The following FXYD2 variants were observed in gnomAD, a reference collection of about 807,000 sequenced individuals.
FXYD2 encodes the protein FXYD domain containing ion transport regulator 2, also known as sodium/potassium-transporting ATPase subunit gamma.
FXYD2 carries 8 observed loss-of-function variants against 11.8 expected under a neutral mutation model. The observed-to-expected ratio is 0.68, with a 90% confidence interval of 0.40 to 1.22. The LOEUF (loss-of-function observed/expected upper bound fraction) is 1.22. FXYD2 is among the 50% of genes most tolerant of loss of function. The probability of loss-of-function intolerance (pLI) is 0.01; values close to 1 mark genes in which losing one functional copy is unlikely to be tolerated. For missense variants in FXYD2, 92 were observed against 91.8 expected, an observed-to-expected ratio of 1.00 and a Z score of -0.01; for synonymous variants, 42 against 33.3, an observed-to-expected ratio of 1.26 and a Z score of -0.90.
In FXYD2 at chr11:117,822,826, A is replaced by C; in HGVS notation, c.26-109T>G. On this transcript the variant is annotated intron_variant, in intron 1 of 5. Coordinates refer to ENST00000292079, the MANE Select transcript of FXYD2 (RefSeq NM_001680.5). The surrounding 1 kb of genome is among the most constrained non-coding windows in gnomAD (Gnocchi z 4.7). ...TTCCCAGAGGACCCTCGAGGGTCCA[A>C]GCAGGCGAGGGGAGGCTGGGAGCAG... 1 of 1,440,518 alleles carries C rather than the reference A, an allele frequency of 6.9e-7. No homozygotes were observed. The highest frequency in any genetic ancestry group is 9.5e-7 in the Non-Finnish European group (1 of 1,053,438). The allele number at this position is 1,440,518 out of a possible 1,614,324, so 89.2% of individuals were successfully genotyped here.
rs2055992972 is a variant in FXYD2, at chr11:117,824,531, G to A, written c.25+123C>T. 1 of 803,540 alleles carries A rather than the reference G, an allele frequency of 1.2e-6. No individual in the cohort carries two copies. The highest frequency in any genetic ancestry group is 1.9e-5 in the Admixed American group (1 of 51,618). 49.8% of individuals were successfully genotyped at this position (803,540 alleles called of 1,614,324 possible). On this transcript the variant is annotated intron_variant, in intron 1 of 5. Coordinates refer to ENST00000292079, the MANE Select transcript of FXYD2 (RefSeq NM_001680.5). This position sits in a 1 kb window ranked among gnomAD's most constrained non-coding sequence, Gnocchi z 4.0. The stretch of plus-strand genomic sequence containing the variant: ...AGGAGGCCGACAGGAAGAGGGGCTG[G>A]GTACTCTGGAAGGCTGAGGTGGCAG...
At position 117,822,700 on chromosome 11, in the gene FXYD2, C is replaced by T. The variant is rs767799368; in HGVS notation, c.43G>A (p.Asp15Asn). The change falls in exon 2 of 6, where the codon GAC becomes AAC. Residue 15 changes from aspartate to asparagine, a missense_variant. By Grantham distance (23) the Asp-to-Asn change is conservative. Transcript: ENST00000292079. The surrounding 1 kb of genome is among the most constrained non-coding windows in gnomAD (Gnocchi z 4.7). Reference sequence around the variant, plus strand: ...TTACCATAGTAGAACGGGTCCACGTCCCCCTTGGGGCTGCCGCCTAGGAGA... The same window carrying T: ...TTACCATAGTAGAACGGGTCCACGTTCCCCTTGGGGCTGCCGCCTAGGAGA... The part of the protein sequence containing the change: ...SMDGGGSPKG[D>N]VDPFYYDYET... 3.7e-6 allele frequency: 6 copies of T among 1,610,350 alleles called. No homozygotes were observed. Among genetic ancestry groups the T allele is most frequent in the Admixed American group, 1.7e-5 (1 of 59,606 alleles).
chr11:117,823,373 C>T (rs544571857), intron 1 of FXYD2, among the ~76,000 whole-genome samples: 14 of 152,346 alleles, frequency 9.2e-5, no homozygotes, highest in African/African-American at 3.1e-4. Flanking sequence ...GTGTAATCCA[C>T]AAGAGGGTGG....
chr11:117,826,647 T>C (rs1255951601), upstream of FXYD2, among the ~76,000 whole-genome samples: 2 of 152,250 alleles, frequency 1.3e-5, no homozygotes, highest in Non-Finnish European at 2.9e-5. Context: ...CCCTTTATTA[T>C]ACAGGATTGT....
chr11:117,820,925 A>T, intron 3 of FXYD2, 30 bp from the exon 4 acceptor site: 1 of 1,613,744 alleles, frequency 6.2e-7, no homozygotes, highest in Non-Finnish European at 8.5e-7. Flanking sequence ...ATTTGTTTCC[A>T]TGGACTAATT....
chr11:117,820,767 G>A (rs1591532181), intron 4 of FXYD2, 71 bp from the exon 5 acceptor site: 1 of 1,613,150 alleles, frequency 6.2e-7, no homozygotes, highest in East Asian at 2.2e-5. Context: ...TCTGAGGCTG[G>A]GGATCCTCCA....
At position 117,822,241 on chromosome 11, in the gene FXYD2, C is replaced by A. The variant is rs559882574; in HGVS notation, c.139+165G>T. 3 of 1,509,404 alleles carry A rather than the reference C, an allele frequency of 2.0e-6. No homozygotes were observed. Among genetic ancestry groups the A allele is most frequent in the Non-Finnish European group, 2.7e-6 (3 of 1,129,236 alleles). The allele number at this position is 1,509,404 out of a possible 1,614,324, so 93.5% of individuals were successfully genotyped here. ...CAGGAACCTCACACTGTGCTCCCAG[C>A]GAGCCTGGCACCCCACCGGGCACCC... On this transcript the variant is annotated intron_variant, in intron 3 of 5. Transcript: ENST00000292079. The surrounding 1 kb of genome is among the most constrained non-coding windows in gnomAD (Gnocchi z 4.7).
chr11:117,821,765 G>T, intron 3 of FXYD2: 1 of 989,388 alleles, frequency 1.0e-6, no homozygotes, highest in Non-Finnish European at 1.2e-6. Context: ...CAGGACTGTG[G>T]CCCGAGCCTT....
chr11:117,821,252 G>T, intron 3 of FXYD2: 1 of 707,050 alleles, frequency 1.4e-6, no homozygotes, highest in Non-Finnish European at 1.8e-6. Flanking sequence ...GTATAGATCG[G>T]GTCTCACTGT....
At chr11:117,827,093 T>G (rs377189273), upstream of FXYD2, among the ~76,000 whole-genome samples, 8 of 24,086 alleles carry the variant, frequency 3.3e-4, no homozygotes, top group East Asian at 3.8e-3. Context: ...GAGAGATAGA[T>G]AGATAGATAG....
rs563655056 is a variant in FXYD2, at chr11:117,822,328, G to A, written c.139+78C>T. On this transcript the variant is annotated intron_variant, in intron 3 of 5. Coordinates refer to ENST00000292079, the MANE Select transcript of FXYD2 (RefSeq NM_001680.5). This position sits in a 1 kb window ranked among gnomAD's most constrained non-coding sequence, Gnocchi z 4.7. ...GCTCACCCCTCCCTTGGCAACTCCC[G>A]AAAGCCAGCCTGCTCAGCGGCCTTG... 387 of 1,549,000 alleles carry A rather than the reference G, an allele frequency of 2.5e-4. 4 individuals are homozygous for A. The South Asian group carries it at 3.7e-3, about 15-fold the overall frequency.
upstream of FXYD2, chr11:117,827,848 G>C: frequency 2.1e-5 from 15 of 712,730 alleles, no homozygotes; most frequent in Non-Finnish European, 2.6e-5. Context: ...ACTCCGTATG[G>C]AGATGCTCTT....
upstream of FXYD2, chr11:117,827,987 G>A: frequency 6.5e-7 from 1 of 1,531,968 alleles, no homozygotes; most frequent in Non-Finnish European, 8.9e-7. Flanking sequence ...GGGGCTCAGA[G>A]GACTCACCCA....
intron 1 of FXYD2, among the ~76,000 whole-genome samples, chr11:117,823,839 C>A (rs571989383): frequency 3.3e-5 from 5 of 152,320 alleles, no homozygotes; most frequent in East Asian, 1.9e-4. Flanking sequence ...CTGTCCCCAG[C>A]GGCCAGTCCC....
Position 117,824,433 on chromosome 11 carries a change from C to T in FXYD2, c.25+221G>A, listed in dbSNP as rs987603605. 2 of 628,732 alleles carry T rather than the reference C, an allele frequency of 3.2e-6. No individual in the cohort carries two copies. The highest frequency in any genetic ancestry group is 3.6e-5 in the South Asian group (2 of 55,210). 38.9% of individuals were successfully genotyped at this position (628,732 alleles called of 1,614,324 possible). A position where few individuals can be genotyped will look rare whatever the true frequency, so the allele number is the denominator to read the frequency against. ...CAGCTCTCCAGCTTCTATCTGCTGC[C>T]TTTCTGCCACTCAAGCTATCTTTCT... is the stretch of plus-strand genomic sequence containing the variant. On this transcript the variant is annotated intron_variant, in intron 1 of 5. Coordinates refer to ENST00000292079, the MANE Select transcript of FXYD2 (RefSeq NM_001680.5). This position sits in a 1 kb window ranked among gnomAD's most constrained non-coding sequence, Gnocchi z 4.0.
chr11:117,826,822 A>ATCTATCTATCTC (rs751194466), upstream of FXYD2, among the ~76,000 whole-genome samples: 194 of 138,706 alleles, frequency 1.4e-3, no homozygotes, highest in Middle Eastern at 8.0e-3. Flanking sequence ...CTATCTATCT[A>ATCTATCTATCTC]TCTGTCTATC....
At position 117,823,694 on chromosome 11, in the gene FXYD2, C is replaced by T. The variant is rs182288604; in HGVS notation, c.25+960G>A. 5.8e-4 allele frequency among the ~76,000 whole-genome samples: 89 copies of T among 152,354 alleles called. 2 individuals carry two copies. In the East Asian group the frequency reaches 0.016, roughly 27 times the overall value. ...CCACAGCTAAGGGCCGCTACTCTTT[C>T]CTGCCCTGCCGGAGCCCCTTCTCGC... On this transcript the variant is annotated intron_variant, in intron 1 of 5. Coordinates refer to ENST00000292079, the MANE Select transcript of FXYD2 (RefSeq NM_001680.5).
rs954913267 is a variant in FXYD2 at position 117,824,121 on chromosome 11, G to A, written c.25+533C>T. ...TGAGCCGCTTGCTGAGACCCTCCCT[G>A]CCCAGCACCCTCCCCTTTCTGCATC... On this transcript the variant is annotated intron_variant, in intron 1 of 5. Coordinates refer to ENST00000292079, the MANE Select transcript of FXYD2 (RefSeq NM_001680.5). This position sits in a 1 kb window ranked among gnomAD's most constrained non-coding sequence, Gnocchi z 4.0. 3 of 191,498 alleles carry A rather than the reference G, an allele frequency of 1.6e-5. No individual in the cohort carries two copies. Among genetic ancestry groups the A allele is most frequent in the Non-Finnish European group, 3.3e-5 (3 of 90,598 alleles). 11.9% of individuals were successfully genotyped at this position (191,498 alleles called of 1,614,324 possible).
chr11:117,823,988 C>G (rs2055977736), intron 1 of FXYD2, among the ~76,000 whole-genome samples: 2 of 152,198 alleles, frequency 1.3e-5, no homozygotes, highest in African/African-American at 4.8e-5. Flanking sequence ...TTGGTTCAGG[C>G]CTTGTTTAAG....
Sources: gnomAD v4.1 joint callset for allele counts (sites outside exome capture counted in the v4.1 genomes callset) on GRCh38, gnomAD v4.1.1 for gene constraint, Gnocchi (gnomAD v3.1) non-coding constraint, MANE v1.5 for transcripts, NCBI Gene and HGNC (gene_info 2026-07-23, HGNC 2026-07-21) for gene names.